BNC2: variants seen among roughly 807,000 people sequenced by gnomAD.
The protein encoded by BNC2 is zinc finger protein basonuclin-2.
BNC2 carries 20 observed loss-of-function variants against 76.3 expected under a neutral mutation model. The observed-to-expected ratio is 0.26, with a 90% CI of 0.18 to 0.38. The LOEUF is 0.38. BNC2 is among the 10% of genes least tolerant of loss of function. BNC2 has a pLI of 1.00. For missense variants in BNC2, 1,382 were observed against 1,399.8 expected (o/e 0.99, Z 0.20); for synonymous variants, 582 against 514.8 (o/e 1.13, Z -1.77).
intron 6 of BNC2, chr9:16,429,859 C>A: frequency 2.1e-6 from 1 of 465,684 alleles, no homozygotes; most frequent in Non-Finnish European, 4.3e-6. Flanking sequence ...GAAAGGTCAG[C>A]AGAGGCTTAA....
intron 1 of BNC2, among the ~76,000 whole-genome samples, chr9:16,853,097 A>T (rs140616593): frequency 1.5e-3 from 227 of 152,332 alleles, no homozygotes; most frequent in African/African-American, 5.1e-3. Flanking sequence ...AGGCAAGCAT[A>T]GAAGTACTAG....
intron 3 of BNC2, among the ~76,000 whole-genome samples, chr9:16,657,188 T>A (rs1213720811): frequency 6.6e-6 from 1 of 151,764 alleles, no homozygotes; most frequent in Non-Finnish European, 1.5e-5. Context: ...TGGGAATGAG[T>A]ACAACTACCC....
chr9:16,546,986 G>C (rs1236287189), intron 5 of BNC2, among the ~76,000 whole-genome samples: 1 of 152,202 alleles, frequency 6.6e-6, no homozygotes, highest in Non-Finnish European at 1.5e-5. Flanking sequence ...TTACAGTGAT[G>C]AATAAGAGAC....
chr9:16,616,038 T>A (rs181245401), intron 3 of BNC2, among the ~76,000 whole-genome samples: 24 of 152,234 alleles, frequency 1.6e-4, no homozygotes, highest in African/African-American at 5.8e-4. Flanking sequence ...TAACTCCAAT[T>A]AAGCTGAGAA....
chr9:16,680,908 T>C (rs1415011636), intron 3 of BNC2, among the ~76,000 whole-genome samples: 3 of 152,318 alleles, frequency 2.0e-5, no homozygotes, highest in African/African-American at 7.2e-5. Context: ...CCATATCAAT[T>C]TCGACAATGG....
At chr9:16,670,377 C>A (rs145246804) in intron 3 of BNC2, among the ~76,000 whole-genome samples, 1 of 152,116 alleles carries the variant, frequency 6.6e-6, no homozygotes, top group Non-Finnish European at 1.5e-5. Flanking sequence ...ATTCAGGGCG[C>A]GATCATAGTT....
intron 4 of BNC2, among the ~76,000 whole-genome samples, chr9:16,582,483 A>G (rs573062961): frequency 5.2e-4 from 79 of 152,286 alleles, no homozygotes; most frequent in Non-Finnish European, 8.7e-4. Flanking sequence ...ATTTTCAGAT[A>G]CCAGCCAAAT....
At chr9:16,845,215 A>T (rs927154544) in intron 1 of BNC2, among the ~76,000 whole-genome samples, 1 of 152,198 alleles carries the variant, frequency 6.6e-6, no homozygotes, top group Non-Finnish European at 1.5e-5. Context: ...TTATTCTTAA[A>T]ACCAAACATA....
chr9:16,439,048 C>T (rs1278358219), intron 5 of BNC2, among the ~76,000 whole-genome samples: 2 of 152,074 alleles, frequency 1.3e-5, no homozygotes, highest in African/African-American at 4.8e-5. Context: ...CTCATGAGAT[C>T]TGATGGTTTA....
rs1227853529 is a variant in BNC2 at position 16,511,451 on chromosome 9, AG to A, written c.669+41078del. The stretch of plus-strand genomic sequence containing the variant: ...TTTTTTTTTTTTTTTTTTTTGAGGC[AG>A]GGTCTTGCTTTGTCACCCAGGCTGG... On this transcript the variant is annotated intron_variant, in intron 5 of 6. Transcript: ENST00000380672. 2.6e-4 allele frequency among the ~76,000 whole-genome samples: 24 copies of A among 92,470 alleles called. No individual in the cohort carries two copies. In the East Asian group the frequency reaches 6.0e-3, roughly 23 times the overall value. 60.7% of individuals were successfully genotyped at this position (92,470 alleles called of 152,430 possible).
chr9:16,663,092 C>G (rs1359529769), intron 3 of BNC2, among the ~76,000 whole-genome samples: 1 of 149,298 alleles, frequency 6.7e-6, no homozygotes, highest in East Asian at 2.0e-4. Context: ...CTCGCTCGCT[C>G]AATTCCAGTG....
chr9:16,583,098 G>C lies in BNC2; in HGVS notation c.331-13C>G. The C allele has an allele frequency of 1.2e-6, 2 of 1,609,350 alleles. No homozygotes were observed. Among genetic ancestry groups the C allele is most frequent in the Non-Finnish European group, 1.7e-6 (2 of 1,176,398 alleles). ...TGCAACGGATGGCCTGAAAAATAAAGGAGGAAAAAAAGGTCAGCATCTGTT... is the reference window on the plus strand; with the variant it reads ...TGCAACGGATGGCCTGAAAAATAAACGAGGAAAAAAAGGTCAGCATCTGTT... On this transcript the variant is annotated splice_polypyrimidine_tract_variant and intron_variant, in intron 3 of 6. Transcript: ENST00000380672.
chr9:16,644,937 C>T (rs1022166162), intron 3 of BNC2, among the ~76,000 whole-genome samples: 1 of 152,190 alleles, frequency 6.6e-6, no homozygotes, highest in African/African-American at 2.4e-5. Context: ...AAGTACACTT[C>T]GTAAAGCAGC....
chr9:16,824,163 T>A (rs1818401452), intron 1 of BNC2, among the ~76,000 whole-genome samples: 1 of 152,176 alleles, frequency 6.6e-6, no homozygotes, highest in African/African-American at 2.4e-5. Context: ...GCTACCATTA[T>A]CACTAAGGAG....
chr9:16,596,740 C>A (rs1820094808), intron 3 of BNC2, among the ~76,000 whole-genome samples: 1 of 152,154 alleles, frequency 6.6e-6, no homozygotes, highest in South Asian at 2.1e-4. Flanking sequence ...CCTCTCTAGA[C>A]TGCAGAGAAA....
rs1824742607 is a variant in BNC2, at chr9:16,738,411, C to G, written c.78G>C (p.Trp26Cys). 6.2e-7 allele frequency: 1 copy of G among 1,614,052 alleles called. No individual in the cohort carries two copies. Among genetic ancestry groups the G allele is most frequent in the Non-Finnish European group, 8.5e-7 (1 of 1,179,994 alleles). Residue 26 changes from tryptophan to cysteine, a missense_variant, in exon 2 of 7, where the codon TGG becomes TGC. Coordinates refer to ENST00000380672, the MANE Select transcript of BNC2 (RefSeq NM_017637.6). Reference protein sequence around the residue: ...KSEDRLSEQDWPAYFKVPCCG... With the variant: ...KSEDRLSEQDCPAYFKVPCCG... ...AACATGGGACCTTGAAATATGCTGG[C>G]CAGTCTTGCTCACTAAGCCTGTCCT... is the stretch of plus-strand genomic sequence containing the variant.
intron 5 of BNC2, among the ~76,000 whole-genome samples, chr9:16,540,470 T>C (rs1006156570): frequency 1.3e-5 from 2 of 152,166 alleles, no homozygotes; most frequent in Non-Finnish European, 2.9e-5. Flanking sequence ...GGCACATGAG[T>C]ATAGGGTCTC....
intron 3 of BNC2, among the ~76,000 whole-genome samples, chr9:16,666,798 T>A (rs1183544648): frequency 6.6e-6 from 1 of 152,204 alleles, no homozygotes; most frequent in African/African-American, 2.4e-5. Context: ...AAGCAATATA[T>A]TCTTAACAAA....
At chr9:16,463,877 C>G (rs1207894907) in intron 5 of BNC2, among the ~76,000 whole-genome samples, 2 of 151,874 alleles carry the variant, frequency 1.3e-5, no homozygotes, top group African/African-American at 4.8e-5. Context: ...AGGCAGATCA[C>G]TTGAGGTTAG....
Sources: allele counts gnomAD v4.1 joint callset (sites outside exome capture counted in the v4.1 genomes callset), GRCh38; gene constraint gnomAD v4.1.1; transcripts MANE v1.5; gene names NCBI Gene and HGNC (gene_info 2026-07-23, HGNC 2026-07-21).